The following MYRIP variants were observed in gnomAD, a reference collection of about 807,000 sequenced individuals.
MYRIP encodes rab effector MyRIP.
Under a neutral mutation model 98.0 loss-of-function variants are expected in MYRIP, and 49 were observed. The ratio of observed to expected loss-of-function variants is 0.50; its 90% CI spans 0.40 to 0.63. The LOEUF is 0.63. Among genes scored for constraint, MYRIP ranks in the 30% least tolerant of loss-of-function variants. The pLI is 0.00. For synonymous variants in MYRIP, 404 were observed against 409.5 expected, an observed-to-expected ratio of 0.99 and a Z score of 0.16; for missense variants, 1,004 against 1,058.2, an observed-to-expected ratio of 0.95 and a Z score of 0.71.
At chr3:39,965,446 A>T (rs764677214) in intron 2 of MYRIP, among the ~76,000 whole-genome samples, 10 of 152,052 alleles carry the variant, frequency 6.6e-5, no homozygotes, top group East Asian at 3.9e-4. Flanking sequence ...GTACAGCTTT[A>T]TTTTTTTACT....
rs1243279549 is a variant in MYRIP at position 40,182,384 on chromosome 3, T to A, written c.1027+11T>A. On this transcript the variant is annotated intron_variant, in intron 9 of 16. Transcript: ENST00000302541. ...GGCTGGATGAAACAAGTAACTGTTT[T>A]AAGCAGTATCTAGTTGGTCTGTGGG... The A allele has an allele frequency of 6.2e-7, 1 of 1,610,288 alleles. No homozygotes were observed. Among genetic ancestry groups the A allele is most frequent in the Non-Finnish European group, 8.5e-7 (1 of 1,178,258 alleles).
intron 11 of MYRIP, among the ~76,000 whole-genome samples, chr3:40,213,042 C>T (rs1361101896): frequency 6.6e-6 from 1 of 152,204 alleles, no homozygotes; most frequent in East Asian, 1.9e-4. Flanking sequence ...TCATTTCTTG[C>T]CTGCTTACTC....
At chr3:39,821,897 G>T (rs954081712) in intron 1 of MYRIP, among the ~76,000 whole-genome samples, 3 of 152,104 alleles carry the variant, frequency 2.0e-5, no homozygotes, top group East Asian at 1.9e-4. Flanking sequence ...GAAAGTTATT[G>T]GTTGCAGAGA....
chr3:40,230,768 C>T (rs565368484), intron 11 of MYRIP, among the ~76,000 whole-genome samples: 2 of 152,078 alleles, frequency 1.3e-5, no homozygotes, highest in South Asian at 2.1e-4. Flanking sequence ...GGGACATCAA[C>T]CAATGAAGAG....
chr3:40,088,017 G>A (rs1451750141), intron 3 of MYRIP, among the ~76,000 whole-genome samples: 1 of 152,200 alleles, frequency 6.6e-6, no homozygotes, highest in African/African-American at 2.4e-5. Context: ...CCAGGAAGGA[G>A]GCTGGCAGAA....
chr3:40,134,438 G>A, intron 3 of MYRIP, among the ~76,000 whole-genome samples: 1 of 152,260 alleles, frequency 6.6e-6, no homozygotes, highest in South Asian at 2.1e-4. Flanking sequence ...GCCTGCCTCT[G>A]TAGGCTCCAC....
chr3:40,171,100 C>T (rs1244958691), intron 8 of MYRIP, among the ~76,000 whole-genome samples: 5 of 152,044 alleles, frequency 3.3e-5, no homozygotes, highest in Non-Finnish European at 5.9e-5. Context: ...TCCTTGTCAA[C>T]GTGCTGTCAG....
At chr3:40,007,705 G>A (rs1463908959) in intron 2 of MYRIP, among the ~76,000 whole-genome samples, 4 of 152,214 alleles carry the variant, frequency 2.6e-5, no homozygotes, top group Admixed American at 6.5e-5. Context: ...ATTTTAAGGA[G>A]TTGGCTTAGA....
intron 3 of MYRIP, among the ~76,000 whole-genome samples, chr3:40,124,741 G>T (rs1240203127): frequency 6.6e-6 from 1 of 152,180 alleles, no homozygotes; most frequent in Admixed American, 6.5e-5. Context: ...TGAGTGCCCT[G>T]AGACCAGCAG....
At chr3:39,833,190 CAT>C in intron 1 of MYRIP, among the ~76,000 whole-genome samples, 1 of 152,128 alleles carries the variant, frequency 6.6e-6, no homozygotes, top group East Asian at 1.9e-4. Context: ...AGAAGTGAGA[CAT>C]AAATGAACCA....
chr3:40,182,161 C>T, intron 8 of MYRIP, 59 bp from the exon 9 acceptor site: 1 of 1,474,076 alleles, frequency 6.8e-7, no homozygotes. Context: ...AAGGTGAAGG[C>T]ACACCTCCCA....
rs1467012814 is a variant in MYRIP at position 39,976,705 on chromosome 3, C to T, written c.111-67345C>T. Among the ~76,000 whole-genome samples the T allele has an allele frequency of 2.0e-5, 3 of 152,258 alleles. No homozygotes were observed. The East Asian group carries it at 5.8e-4, about 29-fold the overall frequency. Reference sequence around the variant, plus strand: ...TATGGCACATATACACCATGGAATACTATGCAGCCATAAAAAAGGATGAGT... The same window carrying T: ...TATGGCACATATACACCATGGAATATTATGCAGCCATAAAAAAGGATGAGT... On this transcript the variant is annotated intron_variant, in intron 2 of 16. Coordinates refer to ENST00000302541, the MANE Select transcript of MYRIP (RefSeq NM_015460.4).
intron 1 of MYRIP, among the ~76,000 whole-genome samples, chr3:39,858,455 A>G (rs1202535447): frequency 1.3e-5 from 2 of 152,192 alleles, no homozygotes; most frequent in African/African-American, 4.8e-5. Flanking sequence ...AGATTTTAAT[A>G]TCCCACTTTC....
At chr3:40,167,617 G>T (rs1449401492) in intron 7 of MYRIP, among the ~76,000 whole-genome samples, 1 of 152,104 alleles carries the variant, frequency 6.6e-6, no homozygotes, top group Non-Finnish European at 1.5e-5. Context: ...TGGAGTTAGT[G>T]CAGACCCCAC....
intron 1 of MYRIP, among the ~76,000 whole-genome samples, chr3:39,821,112 G>C (rs572552858): frequency 1.2e-4 from 19 of 152,164 alleles, no homozygotes; most frequent in Non-Finnish European, 2.5e-4. Context: ...TTCCCCAAAA[G>C]GTGGAAACAT....
In MYRIP at chr3:39,844,160, A is replaced by G. The variant is rs554179951; in HGVS notation, c.-31+34244A>G. On this transcript the variant is annotated intron_variant, in intron 1 of 16. Coordinates refer to ENST00000302541, the MANE Select transcript of MYRIP (RefSeq NM_015460.4). Reference sequence around the variant, plus strand: ...TCTTCCCCAGATCTCCTTATCCTTGATCTTCCAATCCTGTTATTTCCCATT... The same window carrying G: ...TCTTCCCCAGATCTCCTTATCCTTGGTCTTCCAATCCTGTTATTTCCCATT... Among the ~76,000 whole-genome samples, 19 of 152,286 alleles carry G rather than the reference A, an allele frequency of 1.2e-4. No homozygotes were observed. In the East Asian group the frequency reaches 2.5e-3, roughly 20 times the overall value.
chr3:40,008,343 G>A (rs945294596), intron 2 of MYRIP, among the ~76,000 whole-genome samples: 1 of 152,162 alleles, frequency 6.6e-6, no homozygotes, highest in African/African-American at 2.4e-5. Flanking sequence ...TAAAGCAATG[G>A]ATAAATTTAG....
chr3:40,002,598 C>T (rs1199191862), intron 2 of MYRIP, among the ~76,000 whole-genome samples: 2 of 151,892 alleles, frequency 1.3e-5, no homozygotes, highest in Admixed American at 6.6e-5. Context: ...AAGATCTGCT[C>T]ATAAACACAG....
chr3:40,030,686 C>T (rs745581362), intron 2 of MYRIP, among the ~76,000 whole-genome samples: 3 of 152,024 alleles, frequency 2.0e-5, no homozygotes, highest in African/African-American at 7.2e-5. Flanking sequence ...CATGGATAAA[C>T]GTTGAACACA....
Sources: gnomAD v4.1 joint callset for allele counts (sites outside exome capture counted in the v4.1 genomes callset) on GRCh38, gnomAD v4.1.1 for gene constraint, MANE v1.5 for transcripts, NCBI Gene and HGNC (gene_info 2026-07-23, HGNC 2026-07-21) for gene names.